Variants in PTPRD observed in about 807,000 individuals in gnomAD.
The protein encoded by PTPRD is receptor-type tyrosine-protein phosphatase delta.
PTPRD carries 34 observed loss-of-function variants against 214.5 expected under a neutral mutation model. The ratio of observed to expected loss-of-function variants is 0.16; its 90% CI spans 0.12 to 0.21. The LOEUF is 0.21. Among genes scored for constraint, PTPRD ranks in the 10% least tolerant of loss-of-function variants. PTPRD has a pLI of 1.00. For missense variants in PTPRD, 2,545 were observed against 2,398.7 expected (o/e 1.06, Z -1.27); for synonymous variants, 1,128 against 845.7 (o/e 1.33, Z -5.79).
At chr9:8,991,816 G>A (rs1288713509) in intron 11 of PTPRD, among the ~76,000 whole-genome samples, 2 of 152,112 alleles carry the variant, frequency 1.3e-5, no homozygotes, top group African/African-American at 4.8e-5. Flanking sequence ...CTGCCTATAT[G>A]TCTTAATTCA....
intron 36 of PTPRD, among the ~76,000 whole-genome samples, chr9:8,402,514 C>T (rs1480985550): frequency 6.6e-6 from 1 of 152,180 alleles, no homozygotes; most frequent in East Asian, 1.9e-4. Context: ...CAGAGGCAGA[C>T]TGACAAGTTC....
chr9:9,885,924 A>G (rs1480265530), intron 5 of PTPRD, among the ~76,000 whole-genome samples: 1 of 151,954 alleles, frequency 6.6e-6, no homozygotes, highest in Non-Finnish European at 1.5e-5. Flanking sequence ...GAGATCTGTG[A>G]GTGTAGATTT....
rs1156261656 is a variant in PTPRD at position 9,507,672 on chromosome 9, A to G, written c.-237+67060T>C. On this transcript the variant is annotated intron_variant, in intron 8 of 45. Coordinates refer to ENST00000381196, the MANE Select transcript of PTPRD (RefSeq NM_002839.4). The stretch of plus-strand genomic sequence containing the variant: ...TGAACTAAAAATAATTATCATTAGT[A>G]AAGACAATTAGGTCATTTCTGCTGT... Among the ~76,000 whole-genome samples, 3 of 151,474 alleles carry G rather than the reference A, an allele frequency of 2.0e-5. No homozygotes were observed. In the South Asian group the frequency reaches 6.2e-4, roughly 31 times the overall value.
intron 2 of PTPRD, among the ~76,000 whole-genome samples, chr9:10,450,998 G>A (rs1032932516): frequency 6.6e-6 from 1 of 151,976 alleles, no homozygotes; most frequent in Admixed American, 6.5e-5. Context: ...TAACTCACTA[G>A]AGGGTTTGTA....
chr9:9,626,336 T>A (rs2095424968), intron 7 of PTPRD, among the ~76,000 whole-genome samples: 2 of 152,234 alleles, frequency 1.3e-5, no homozygotes, highest in African/African-American at 4.8e-5. Flanking sequence ...GCTAAGGCTC[T>A]GTCTGATTTT....
intron 2 of PTPRD, among the ~76,000 whole-genome samples, chr9:10,541,476 T>G (rs1566831591): frequency 6.6e-6 from 1 of 152,100 alleles, no homozygotes; most frequent in African/African-American, 2.4e-5. Flanking sequence ...TGTTGATTAT[T>G]AAAGAGTAAA....
intron 9 of PTPRD, among the ~76,000 whole-genome samples, chr9:9,202,144 C>T (rs905725262): frequency 1.8e-4 from 27 of 152,270 alleles, no homozygotes; most frequent in Admixed American, 1.5e-3. Flanking sequence ...ATGACTGAGT[C>T]GAGTCCAGTG....
At chr9:9,232,583 G>A (rs185807440) in intron 9 of PTPRD, among the ~76,000 whole-genome samples, 1 of 151,972 alleles carries the variant, frequency 6.6e-6, no homozygotes. Context: ...AGTTCTTTTT[G>A]AATCAATATA....
intron 36 of PTPRD, among the ~76,000 whole-genome samples, chr9:8,397,223 A>G (rs1210689479): frequency 6.6e-6 from 1 of 152,154 alleles, no homozygotes; most frequent in Non-Finnish European, 1.5e-5. Flanking sequence ...AGGTGCCAAC[A>G]AACTATTCAC....
At chr9:9,409,592 A>T (rs1201385009) in intron 8 of PTPRD, among the ~76,000 whole-genome samples, 2 of 152,098 alleles carry the variant, frequency 1.3e-5, no homozygotes, top group Non-Finnish European at 2.9e-5. Context: ...CTGAAAAACA[A>T]GTCACTAAGA....
At chr9:10,482,220 A>AC (rs1566395929) in intron 2 of PTPRD, among the ~76,000 whole-genome samples, 3 of 151,228 alleles carry the variant, frequency 2.0e-5, no homozygotes, top group African/African-American at 4.8e-5. Flanking sequence ...AAATACAAAA[A>AC]ATTAGCCGGG....
intron 9 of PTPRD, among the ~76,000 whole-genome samples, chr9:9,223,686 T>G (rs2099957605): frequency 6.6e-6 from 1 of 151,974 alleles, no homozygotes; most frequent in Non-Finnish European, 1.5e-5. Flanking sequence ...AACTTGGTAC[T>G]TGAGAAAAAC....
chr9:8,862,667 C>A (rs1464613590), intron 11 of PTPRD, among the ~76,000 whole-genome samples: 2 of 152,196 alleles, frequency 1.3e-5, no homozygotes, highest in African/African-American at 2.4e-5. Context: ...ATCATTTATG[C>A]TTTCTTTTTC....
intron 2 of PTPRD, among the ~76,000 whole-genome samples, chr9:10,551,973 G>C (rs571340419): frequency 6.6e-6 from 1 of 152,122 alleles, no homozygotes; most frequent in Non-Finnish European, 1.5e-5. Context: ...TACTTTGCAT[G>C]CATGTTTTCA....
intron 3 of PTPRD, among the ~76,000 whole-genome samples, chr9:10,135,826 C>G (rs180868394): frequency 6.6e-6 from 1 of 151,768 alleles, no homozygotes; most frequent in Admixed American, 6.6e-5. Context: ...ACAATTAAGT[C>G]TACAAAAACA....
intron 35 of PTPRD, among the ~76,000 whole-genome samples, chr9:8,406,752 A>G (rs988018810): frequency 6.6e-6 from 1 of 152,196 alleles, no homozygotes; most frequent in African/African-American, 2.4e-5. Context: ...TGTACAGTAT[A>G]CCACAATTAT....
intron 10 of PTPRD, among the ~76,000 whole-genome samples, chr9:9,052,719 T>A (rs1393958104): frequency 6.6e-6 from 1 of 152,216 alleles, no homozygotes; most frequent in African/African-American, 2.4e-5. Context: ...ACTGTCCACA[T>A]AAGTACAAAG....
intron 14 of PTPRD, among the ~76,000 whole-genome samples, chr9:8,614,792 A>G (rs1284683401): frequency 6.6e-6 from 1 of 152,192 alleles, no homozygotes; most frequent in African/African-American, 2.4e-5. Context: ...AGTATCTGTT[A>G]GCCAAAGTCT....
At chr9:8,896,218 T>C (rs1310322347) in intron 11 of PTPRD, among the ~76,000 whole-genome samples, 4 of 152,216 alleles carry the variant, frequency 2.6e-5, no homozygotes, top group Non-Finnish European at 5.9e-5. Flanking sequence ...CTCACATAAA[T>C]ATAATTTTCT....
Sources: gnomAD v4.1 joint callset for allele counts (sites outside exome capture counted in the v4.1 genomes callset) on GRCh38, gnomAD v4.1.1 for gene constraint, MANE v1.5 for transcripts, NCBI Gene and HGNC (gene_info 2026-07-23, HGNC 2026-07-21) for gene names.